Variants in ZFHX3 observed in about 807,000 individuals in gnomAD.
The protein encoded by ZFHX3 is zinc finger homeobox protein 3.
Under a neutral mutation model 279.1 loss-of-function variants are expected in ZFHX3, and 42 were observed. The observed-to-expected ratio is 0.15, with a 90% confidence interval of 0.12 to 0.19. The LOEUF (loss-of-function observed/expected upper bound fraction) is 0.19, where lower values mean the gene tolerates loss of function less well. Among genes scored for constraint, ZFHX3 ranks in the 10% least tolerant of loss-of-function variants. The pLI, the probability that ZFHX3 is intolerant of heterozygous loss-of-function variation, is 1.00. For missense variants in ZFHX3, 4,981 were observed against 4,754.0 expected (o/e 1.05, Z -1.40); for synonymous variants, 2,293 against 1,957.8 (o/e 1.17, Z -4.52).
intron 3 of ZFHX3, among the ~76,000 whole-genome samples, chr16:72,927,583 G>C (rs1243758571): frequency 1.3e-5 from 2 of 152,196 alleles, no homozygotes; most frequent in African/African-American, 4.8e-5. Flanking sequence ...TGGACTCAAA[G>C]GCAGTGGCCT....
At chr16:73,885,569 A>G (rs988712299) in intron 1 of ZFHX3, among the ~76,000 whole-genome samples, 2 of 152,134 alleles carry the variant, frequency 1.3e-5, no homozygotes, top group African/African-American at 2.4e-5. Context: ...TTTTCCGTGG[A>G]TCAGCCTCCA....
chr16:73,274,863 T>C (rs1053716348), intron 4 of ZFHX3, among the ~76,000 whole-genome samples: 10 of 152,394 alleles, frequency 6.6e-5, no homozygotes, highest in African/African-American at 2.2e-4. Flanking sequence ...TGGAATGCTA[T>C]AAATATTCTA....
intron 2 of ZFHX3, among the ~76,000 whole-genome samples, chr16:73,465,383 T>C (rs1435782682): frequency 6.6e-6 from 1 of 152,170 alleles, no homozygotes; most frequent in African/African-American, 2.4e-5. Context: ...TCTGTATCAC[T>C]TCCTTGGTGG....
chr16:73,574,360 C>T (rs920781163), intron 2 of ZFHX3, among the ~76,000 whole-genome samples: 1 of 152,088 alleles, frequency 6.6e-6, no homozygotes, highest in African/African-American at 2.4e-5. Flanking sequence ...CCCCAGCATC[C>T]ACTGAATCAG....
chr16:73,206,679 C>T (rs1326474788), intron 5 of ZFHX3, among the ~76,000 whole-genome samples: 1 of 152,140 alleles, frequency 6.6e-6, no homozygotes, highest in African/African-American at 2.4e-5. Context: ...CCCCACTACA[C>T]ATGGCCACCA....
intron 5 of ZFHX3, among the ~76,000 whole-genome samples, chr16:73,154,944 TGGGA>T (rs148450738): frequency 7.4e-4 from 113 of 151,892 alleles, no homozygotes; most frequent in African/African-American, 2.6e-3. Flanking sequence ...GAGGCTGAGG[TGGGA>T]GGATCACTTG....
At chr16:73,352,787 AG>A (rs1238207126) in intron 3 of ZFHX3, among the ~76,000 whole-genome samples, 1 of 152,136 alleles carries the variant, frequency 6.6e-6, no homozygotes, top group Non-Finnish European at 1.5e-5. Flanking sequence ...GGGTAGTACA[AG>A]GGGTGTCCAA....
Position 72,795,404 on chromosome 16 carries a change from G to A in ZFHX3, c.7278C>T (p.Gly2426=), listed in dbSNP as rs62639995. 2.1e-4 allele frequency: 346 copies of A among 1,614,068 alleles called. No individual in the cohort carries two copies. The highest frequency in any genetic ancestry group is 1.7e-3 in the African/African-American group (125 of 74,970). The change falls in exon 9 of 10, where the codon GGC becomes GGT. Residue 2426 remains glycine (G), a synonymous_variant. Coordinates refer to ENST00000268489, the MANE Select transcript of ZFHX3 (RefSeq NM_006885.4). Reference sequence around the variant, plus strand: ...CTTCCGCCAGCTTTGGTTTCTCATCGCCTGCCTCTGTTTTTGAATTGAAGG... The same window carrying A: ...CTTCCGCCAGCTTTGGTTTCTCATCACCTGCCTCTGTTTTTGAATTGAAGG... The part of the protein sequence containing the change: ...LATFNSKTEA[G]DEKPKLAEAP...
At chr16:73,293,775 AACCATTC>A (rs1351465726) in intron 4 of ZFHX3, 2 of 152,238 alleles carry the variant, frequency 1.3e-5, no homozygotes, top group African/African-American at 4.8e-5. Flanking sequence ...GGGTAATAAG[AACCATTC>A]ACTGGAGCTG....
rs1187894909 is a variant in ZFHX3 at position 72,876,808 on chromosome 16, T to G, written c.3448+12923A>C. ...CCAGATTTTTAAAATAAATTAAATT[T>G]GTCCTCACACACGGCAGCCAGGTGT... is the stretch of plus-strand genomic sequence containing the variant. On this transcript the variant is annotated intron_variant, in intron 4 of 9. Transcript: ENST00000268489. 2.6e-5 allele frequency among the ~76,000 whole-genome samples: 4 copies of G among 152,278 alleles called. No homozygotes were observed. In the East Asian group the frequency reaches 7.7e-4, roughly 29 times the overall value.
At position 73,568,989 on chromosome 16, in the gene ZFHX3, G is replaced by A. The variant is rs115448854; in HGVS notation, c.-1547+111191C>T. On this transcript the variant is annotated intron_variant, in intron 2 of 17. Coordinates refer to the ZFHX3 transcript ENST00000641206. The stretch of plus-strand genomic sequence containing the variant: ...TCACAGCTAAACTTCTCCAGCCCAG[G>A]CAGTTCATCTGATTCGCATGGGTCA... Among the ~76,000 whole-genome samples, 496 of 152,058 alleles carry A rather than the reference G, an allele frequency of 3.3e-3. 1 individual carries two copies. The highest frequency in any genetic ancestry group is 0.012 in the African/African-American group (479 of 41,478).
chr16:73,661,853 G>A (rs1401575574), intron 2 of ZFHX3, among the ~76,000 whole-genome samples: 1 of 151,408 alleles, frequency 6.6e-6, no homozygotes, highest in Admixed American at 6.6e-5. Context: ...TACTATTTAT[G>A]TATTCTCCCA....
At chr16:72,788,908 A>AAGACGTTTT in intron 9 of ZFHX3, 60 bp from the exon 10 acceptor site, 1 of 1,499,000 alleles carries the variant, frequency 6.7e-7, no homozygotes. Flanking sequence ...GCTGAAGCTC[A>AAGACGTTTT]AGACGTTTTA....
chr16:73,105,975 C>G (rs1189769663), intron 7 of ZFHX3, among the ~76,000 whole-genome samples: 1 of 134,136 alleles, frequency 7.5e-6, no homozygotes, highest in Non-Finnish European at 1.6e-5. Flanking sequence ...TAGGCTCATG[C>G]AATACCTGCC....
chr16:72,865,061 A>G (rs1213769462), intron 4 of ZFHX3, among the ~76,000 whole-genome samples: 2 of 152,254 alleles, frequency 1.3e-5, no homozygotes, highest in African/African-American at 4.8e-5. Flanking sequence ...GCCTACTGTC[A>G]GGATAGTGAC....
At chr16:73,656,485 G>A (rs74538107) in intron 2 of ZFHX3, among the ~76,000 whole-genome samples, 1 of 152,292 alleles carries the variant, frequency 6.6e-6, no homozygotes, top group South Asian at 2.1e-4. Flanking sequence ...TACCTCTAGG[G>A]AGGATCAAGG....
intron 2 of ZFHX3, among the ~76,000 whole-genome samples, chr16:73,602,565 C>A (rs1019674657): frequency 6.6e-6 from 1 of 152,152 alleles, no homozygotes; most frequent in African/African-American, 2.4e-5. Flanking sequence ...TTTAAATCTT[C>A]CATGTAAAGC....
chr16:73,281,900 C>T (rs898483903), intron 4 of ZFHX3, among the ~76,000 whole-genome samples: 6 of 152,132 alleles, frequency 3.9e-5, no homozygotes, highest in Admixed American at 1.3e-4. Context: ...CCTGATTACT[C>T]GGCCTGTTTT....
chr16:73,759,537 T>C (rs1159776376), intron 1 of ZFHX3, among the ~76,000 whole-genome samples: 2 of 152,300 alleles, frequency 1.3e-5, no homozygotes, highest in East Asian at 3.9e-4. Flanking sequence ...GAAACCTGGC[T>C]TTAGGAATTA....
Sources: gnomAD v4.1 joint callset for allele counts (sites outside exome capture counted in the v4.1 genomes callset) on GRCh38, gnomAD v4.1.1 for gene constraint, MANE v1.5 for transcripts, NCBI Gene and HGNC (gene_info 2026-07-23, HGNC 2026-07-21) for gene names.